TENM2: variants seen among roughly 807,000 people sequenced by gnomAD.
TENM2 encodes the protein teneurin transmembrane protein 2.
TENM2 carries 52 observed loss-of-function variants against 245.2 expected under a neutral mutation model. The observed-to-expected ratio is 0.21, with a 90% CI of 0.17 to 0.27. TENM2 has a LOEUF of 0.27. Ranked by LOEUF, TENM2 falls within the 10% of genes least tolerant of loss-of-function variation. The pLI is 1.00. For synonymous variants in TENM2, 1,363 were observed against 1,438.9 expected (o/e 0.95, Z 1.19); for missense variants, 3,046 against 3,666.8 (o/e 0.83, Z 4.37).
At chr5:167,363,160 C>T (rs1759815988) in intron 1 of TENM2, among the ~76,000 whole-genome samples, 1 of 152,230 alleles carries the variant, frequency 6.6e-6, no homozygotes, top group Admixed American at 6.5e-5. Flanking sequence ...GAAATCTGAG[C>T]ATTGAATTGT....
At chr5:167,821,645 C>T (rs1162453728) in intron 2 of TENM2, among the ~76,000 whole-genome samples, 1 of 152,060 alleles carries the variant, frequency 6.6e-6, no homozygotes, top group African/African-American at 2.4e-5. Flanking sequence ...TTGTTGTTTT[C>T]TTCTTTCTCC....
chr5:167,597,511 G>A (rs913631562), intron 2 of TENM2, among the ~76,000 whole-genome samples: 1 of 152,086 alleles, frequency 6.6e-6, no homozygotes, highest in Non-Finnish European at 1.5e-5. Flanking sequence ...AAGCTTTTGA[G>A]AACATGTAAA....
intron 2 of TENM2, among the ~76,000 whole-genome samples, chr5:167,512,082 A>C (rs1769994734): frequency 6.6e-6 from 1 of 152,182 alleles, no homozygotes; most frequent in Admixed American, 6.6e-5. Context: ...TGGATTGTGA[A>C]GCTCTAGATT....
At chr5:167,119,736 A>G in the TENM2 span, among the ~76,000 whole-genome samples, 45 of 152,328 alleles carry the variant, frequency 3.0e-4, 1 homozygote, top group South Asian at 7.4e-3. Flanking sequence ...TGAATTTCGG[A>G]GGTGACACCT....
intron 2 of TENM2, among the ~76,000 whole-genome samples, chr5:167,596,410 G>C (rs1004354198): frequency 2.6e-5 from 4 of 152,138 alleles, no homozygotes; most frequent in African/African-American, 9.7e-5. Flanking sequence ...TCAGTTCCAA[G>C]AATGTCTTGA....
chr5:167,842,860 C>T (rs1769676959), intron 2 of TENM2, among the ~76,000 whole-genome samples: 1 of 152,180 alleles, frequency 6.6e-6, no homozygotes, highest in South Asian at 2.1e-4. Flanking sequence ...CAGTGGCGCA[C>T]ACTTAGCCGT....
chr5:167,019,385 T>A, the TENM2 span, among the ~76,000 whole-genome samples: 2 of 152,042 alleles, frequency 1.3e-5, no homozygotes, highest in African/African-American at 4.8e-5. Flanking sequence ...TGTGGAGAAA[T>A]TGTGAAAGAC....
At chr5:167,619,472 T>A (rs1294336222) in intron 2 of TENM2, among the ~76,000 whole-genome samples, 1 of 152,080 alleles carries the variant, frequency 6.6e-6, no homozygotes, top group Admixed American at 6.6e-5. Context: ...CAGGGCACAT[T>A]AAAGTCATGG....
chr5:167,923,243 C>A (rs1460398490), intron 3 of TENM2, among the ~76,000 whole-genome samples: 1 of 151,800 alleles, frequency 6.6e-6, no homozygotes, highest in Non-Finnish European at 1.5e-5. Context: ...CGCTTGAACC[C>A]GAGAGGTGGA....
chr5:168,161,714 C>T (rs1320507439), intron 12 of TENM2, among the ~76,000 whole-genome samples: 2 of 151,952 alleles, frequency 1.3e-5, no homozygotes, highest in Non-Finnish European at 2.9e-5. Context: ...TCCCTTTGTC[C>T]AAACTCAGGT....
At chr5:167,293,361 C>T (rs987873985) in intron 1 of TENM2, among the ~76,000 whole-genome samples, 2 of 147,654 alleles carry the variant, frequency 1.4e-5, no homozygotes, top group Non-Finnish European at 3.0e-5. Context: ...GTCACCATGT[C>T]CGGCTAATTT....
chr5:167,531,550 C>A (rs1190560385), intron 2 of TENM2, among the ~76,000 whole-genome samples: 1 of 151,678 alleles, frequency 6.6e-6, no homozygotes, highest in Non-Finnish European at 1.5e-5. Flanking sequence ...TTTTTGTTAA[C>A]TACAGTTACC....
chr5:167,041,828 G>A, the TENM2 span, among the ~76,000 whole-genome samples: 87 of 152,302 alleles, frequency 5.7e-4, 1 homozygote, highest in East Asian at 0.015. Context: ...AGTGGTCCAT[G>A]CTGTGTGCTG....
At chr5:167,584,544 A>G (rs1253474812) in intron 2 of TENM2, among the ~76,000 whole-genome samples, 2 of 152,056 alleles carry the variant, frequency 1.3e-5, no homozygotes, top group Non-Finnish European at 2.9e-5. Flanking sequence ...GCAAAGGGAG[A>G]AGCCGGCTGA....
At chr5:167,033,896 G>T in the TENM2 span, among the ~76,000 whole-genome samples, 2 of 152,092 alleles carry the variant, frequency 1.3e-5, no homozygotes, top group African/African-American at 4.8e-5. Flanking sequence ...TAGGGGAGGT[G>T]GAGTATGGTA....
At chr5:167,823,829 T>C (rs980322306) in intron 2 of TENM2, among the ~76,000 whole-genome samples, 3 of 152,148 alleles carry the variant, frequency 2.0e-5, no homozygotes, top group Admixed American at 2.0e-4. Context: ...AATTCTCCTG[T>C]ATGTTGCATT....
At chr5:168,163,829 C>T (rs534658468) in intron 13 of TENM2, among the ~76,000 whole-genome samples, 10 of 152,306 alleles carry the variant, frequency 6.6e-5, no homozygotes, top group African/African-American at 2.4e-4. Context: ...TCCATCTAAT[C>T]TATAACTAAG....
intron 4 of TENM2, among the ~76,000 whole-genome samples, chr5:167,967,354 C>A (rs72824956): frequency 0.014 from 2,066 of 152,194 alleles, 22 homozygotes; most frequent in Admixed American, 0.024. Context: ...ACACTCGAAC[C>A]CATTAATAAG....
intron 27 of TENM2, among the ~76,000 whole-genome samples, chr5:168,249,538 G>A (rs995466053): frequency 6.6e-6 from 1 of 151,948 alleles, no homozygotes; most frequent in Non-Finnish European, 1.5e-5. Flanking sequence ...ATGTCAAAAT[G>A]GGCCTGAAGA....
Sources: gnomAD v4.1 joint callset for allele counts (sites outside exome capture counted in the v4.1 genomes callset) on GRCh38, gnomAD v4.1.1 for gene constraint, MANE v1.5 for transcripts, NCBI Gene and HGNC (gene_info 2026-07-23, HGNC 2026-07-21) for gene names.